Variants in ITPR2 observed in about 807,000 individuals in gnomAD.
The protein encoded by ITPR2 is inositol 1,4,5-trisphosphate-gated calcium channel ITPR2.
In ITPR2, 207 loss-of-function variants were observed where a neutral mutation model predicts 317.1. That is an observed-to-expected ratio of 0.65 (90% CI 0.58 to 0.73). The LOEUF (loss-of-function observed/expected upper bound fraction) is 0.73, where lower values mean the gene tolerates loss of function less well. Ranked by LOEUF, ITPR2 falls within the 30% of genes least tolerant of loss-of-function variation. The pLI is 0.00. For synonymous variants in ITPR2, 1,156 were observed against 1,149.1 expected (o/e 1.01, Z -0.12); for missense variants, 2,613 against 3,284.0 (o/e 0.80, Z 4.99).
chr12:26,787,857 G>A (rs1405374486), intron 2 of ITPR2, among the ~76,000 whole-genome samples: 4 of 150,742 alleles, frequency 2.7e-5, no homozygotes, highest in African/African-American at 9.7e-5. Context: ...AGGCAATGAT[G>A]TAAGGGTTGA....
At chr12:26,796,758 G>C (rs2137229693) in intron 1 of ITPR2, among the ~76,000 whole-genome samples, 1 of 152,286 alleles carries the variant, frequency 6.6e-6, no homozygotes, top group Non-Finnish European at 1.5e-5. Context: ...GGCCAGGCGT[G>C]GCAGCTCACA....
chr12:26,458,520 T>A (rs965550626), intron 45 of ITPR2, among the ~76,000 whole-genome samples: 1 of 152,206 alleles, frequency 6.6e-6, no homozygotes, highest in African/African-American at 2.4e-5. Flanking sequence ...TTTCTTGATA[T>A]GTGTGTTTAT....
chr12:26,483,373 C>T (rs1942588497), intron 42 of ITPR2, among the ~76,000 whole-genome samples: 1 of 152,128 alleles, frequency 6.6e-6, no homozygotes, highest in South Asian at 2.1e-4. Flanking sequence ...TGTAGGGATG[C>T]CAAAGGAGCC....
intron 55 of ITPR2, among the ~76,000 whole-genome samples, chr12:26,376,125 CT>C (rs1565494366): frequency 6.6e-6 from 1 of 152,140 alleles, no homozygotes; most frequent in Non-Finnish European, 1.5e-5. Flanking sequence ...GGTAATTAAC[CT>C]TTTTTAGTAG....
At position 26,724,700 on chromosome 12, in the gene ITPR2, T is replaced by C. The variant is rs773831925; in HGVS notation, c.322A>G (p.Lys108Glu). The C allele has an allele frequency of 4.4e-6, 7 of 1,606,838 alleles. No homozygotes were observed. In the South Asian group the frequency reaches 6.6e-5, roughly 15 times the overall value. Reference sequence around the variant, plus strand: ...TTTACAATTTCTCCCAACAGTTTCTTATTCTCCGATTCATTTTGTTTTTGT... The same window carrying C: ...TTTACAATTTCTCCCAACAGTTTCTCATTCTCCGATTCATTTTGTTTTTGT... ...LEQKQNESEN[K>E]KLLGEIVKYS... is the part of the protein sequence containing the mutation. The change falls in exon 4 of 57, where the codon AAG becomes GAG. Residue 108 changes from lysine to glutamate, a missense_variant. By Grantham distance (56) the Lys-to-Glu change is moderately conservative (BLOSUM62 1). This residue lies in a region of ITPR2 where 515 missense variants were observed against 789.4 expected (regional missense o/e 0.65). Coordinates refer to ENST00000381340, the MANE Select transcript of ITPR2 (RefSeq NM_002223.4).
intron 21 of ITPR2, among the ~76,000 whole-genome samples, chr12:26,648,050 A>C (rs1947155481): frequency 6.6e-6 from 1 of 152,194 alleles, no homozygotes; most frequent in African/African-American, 2.4e-5. Context: ...GACAACTTAC[A>C]ATGACACTGA....
At chr12:26,410,927 G>C (rs1306192161) in intron 52 of ITPR2, among the ~76,000 whole-genome samples, 2 of 152,148 alleles carry the variant, frequency 1.3e-5, no homozygotes, top group African/African-American at 2.4e-5. Flanking sequence ...CCAAGACATA[G>C]AGCTAGAGAC....
intron 51 of ITPR2, among the ~76,000 whole-genome samples, 181 bp from the exon 52 acceptor site, chr12:26,411,593 T>C (rs1940552525): frequency 6.6e-6 from 1 of 152,210 alleles, no homozygotes; most frequent in Non-Finnish European, 1.5e-5. Flanking sequence ...AGCAATTTTA[T>C]AAATGGAGAA....
chr12:26,682,469 T>C (rs1948052492), intron 12 of ITPR2, 105 bp downstream of exon 12: 1 of 706,990 alleles, frequency 1.4e-6, no homozygotes. Flanking sequence ...ATCTGTAATA[T>C]TGGTGAAGAT....
At chr12:26,668,781 T>C (rs1431196148) in intron 13 of ITPR2, among the ~76,000 whole-genome samples, 2 of 150,604 alleles carry the variant, frequency 1.3e-5, no homozygotes, top group African/African-American at 2.4e-5. Flanking sequence ...AAAAGGCCAA[T>C]ATAAATGAAA....
chr12:26,781,406 C>G (rs1950074704), intron 2 of ITPR2, among the ~76,000 whole-genome samples: 1 of 152,066 alleles, frequency 6.6e-6, no homozygotes, highest in Non-Finnish European at 1.5e-5. Flanking sequence ...ATTTTATTCT[C>G]TTTTTCCTTT....
At chr12:26,483,953 G>A in intron 41 of ITPR2, 55 bp from the exon 42 acceptor site, 1 of 1,446,988 alleles carries the variant, frequency 6.9e-7, no homozygotes, top group Non-Finnish European at 9.7e-7. Flanking sequence ...TGTGCTGATT[G>A]TTTGCTGTTC....
At chr12:26,449,795 C>T (rs1941696686) in intron 45 of ITPR2, among the ~76,000 whole-genome samples, 1 of 152,076 alleles carries the variant, frequency 6.6e-6, no homozygotes, top group African/African-American at 2.4e-5. Context: ...ACACTAAATG[C>T]CAGTGTGAGG....
Position 26,583,634 on chromosome 12 carries a change from T to C in ITPR2, c.4381-3479A>G, listed in dbSNP as rs76126136. Among the ~76,000 whole-genome samples, 995 of 152,258 alleles carry C rather than the reference T, an allele frequency of 6.5e-3. 9 individuals carry two copies. Among genetic ancestry groups the C allele is most frequent in the African/African-American group, 0.023 (939 of 41,570 alleles). On this transcript the variant is annotated intron_variant, in intron 32 of 56. Transcript: ENST00000381340. ...CCTAATTTATGAATTCTGATTAATT[T>C]TTCTCCATACGGATATTCAATTGTC...
At chr12:26,494,039 T>G in intron 39 of ITPR2, 114 bp downstream of exon 39, 1 of 734,012 alleles carries the variant, frequency 1.4e-6, no homozygotes. Context: ...GATTTTTTTT[T>G]TTTTAGATAG....
rs1555155169 is a variant in ITPR2 at position 26,556,566 on chromosome 12, T to TGTGTG, written c.4822-192_4822-191insCACAC. ...ATTGCCTGGGTCTCTATTTTTTTTTTTGTGTGTGTGTGTGTGTGTGTGTGT... is the reference window on the plus strand; with the variant it reads ...ATTGCCTGGGTCTCTATTTTTTTTTTGTGTGTGTGTGTGTGTGTGTGTGTGTGTGT... On this transcript the variant is annotated intron_variant, in intron 35 of 56. Transcript: ENST00000381340. 4.2e-3 allele frequency among the ~76,000 whole-genome samples: 578 copies of TGTGTG among 136,256 alleles called. 3 individuals carry two copies. The highest frequency in any genetic ancestry group is 0.024 in the East Asian group (117 of 4,844). The allele number at this position is 136,256 out of a possible 152,430, so 89.4% of individuals were successfully genotyped here. A position where few individuals can be genotyped will look rare whatever the true frequency, so the allele number is the denominator to read the frequency against.
At chr12:26,687,934 C>G (rs961572786) in intron 10 of ITPR2, among the ~76,000 whole-genome samples, 3 of 152,080 alleles carry the variant, frequency 2.0e-5, no homozygotes, top group Non-Finnish European at 2.9e-5. Context: ...AATATAAACT[C>G]TGTTTATTGA....
chr12:26,667,142 T>C (rs1260544046), intron 13 of ITPR2, among the ~76,000 whole-genome samples: 2 of 152,222 alleles, frequency 1.3e-5, no homozygotes, highest in African/African-American at 4.8e-5. Flanking sequence ...CATGAATACA[T>C]TCATAAGAAA....
intron 55 of ITPR2, among the ~76,000 whole-genome samples, chr12:26,383,391 T>G (rs867032392): frequency 2.0e-5 from 3 of 152,284 alleles, no homozygotes; most frequent in Middle Eastern, 6.8e-3. Flanking sequence ...CTTACTGACA[T>G]GGTAACAAAG....
Sources: gnomAD v4.1 joint callset for allele counts (sites outside exome capture counted in the v4.1 genomes callset) on GRCh38, gnomAD v4.1.1 for gene constraint, gnomAD v4.1.1 regional missense constraint, MANE v1.5 for transcripts, NCBI Gene and HGNC (gene_info 2026-07-23, HGNC 2026-07-21) for gene names.